The following MTNAP1 variants were observed in gnomAD, a reference collection of about 807,000 sequenced individuals.
MTNAP1 encodes the protein mitochondrial nucleoid-associated protein 1.
the MTNAP1 span, chr17:73,248,118 T>A: frequency 4.4e-6 from 1 of 224,930 alleles, no homozygotes; most frequent in African/African-American, 2.3e-5. Flanking sequence ...AATACTGATG[T>A]AAAGTTGCCT....
At chr17:73,247,476 A>T in the MTNAP1 span, 5 of 783,784 alleles carry the variant, frequency 6.4e-6, no homozygotes, top group African/African-American at 6.9e-5. Context: ...CCTCAAGGTT[A>T]TCAGGAGCAT....
the MTNAP1 span, among the ~76,000 whole-genome samples, chr17:73,246,413 G>A: frequency 2.0e-5 from 3 of 152,212 alleles, no homozygotes; most frequent in Non-Finnish European, 4.4e-5. Context: ...GCACACGCCT[G>A]TAGTCCCAGC....
At chr17:73,235,210 ACT>A in the MTNAP1 span, among the ~76,000 whole-genome samples, 2 of 151,492 alleles carry the variant, frequency 1.3e-5, no homozygotes, top group Admixed American at 1.3e-4. Context: ...ACAGAGTGAG[ACT>A]CTGTTTCCAA....
chr17:73,235,083 G>A, the MTNAP1 span, among the ~76,000 whole-genome samples: 5 of 151,168 alleles, frequency 3.3e-5, no homozygotes, highest in African/African-American at 1.2e-4. Flanking sequence ...TTAGTCAGGC[G>A]TGGTGGCATG....
At chr17:73,242,949 AT>A in the MTNAP1 span, 6 of 1,613,872 alleles carry the variant, frequency 3.7e-6, no homozygotes, top group African/African-American at 6.7e-5. Flanking sequence ...TGGCATCACG[AT>A]GCTCTTCACA....
At chr17:73,248,548 A>G in the MTNAP1 span, 1 of 1,551,614 alleles carries the variant, frequency 6.4e-7, no homozygotes, top group Non-Finnish European at 8.7e-7. Flanking sequence ...TGCAAGGTGC[A>G]TACAAATGCA....
chr17:73,241,560 A>G, the MTNAP1 span, among the ~76,000 whole-genome samples: 1 of 152,246 alleles, frequency 6.6e-6, no homozygotes, highest in Non-Finnish European at 1.5e-5. Context: ...TAGAACAGGC[A>G]TGTTGACTGT....
the MTNAP1 span, among the ~76,000 whole-genome samples, chr17:73,233,801 AG>A: frequency 3.8e-3 from 583 of 152,018 alleles, 5 homozygotes; most frequent in Non-Finnish European, 4.5e-3. Context: ...TGAACCTGGG[AG>A]GCTGAGGTTG....
At chr17:73,245,687 T>TG in the MTNAP1 span, 3 of 985,400 alleles carry the variant, frequency 3.0e-6, no homozygotes, top group Non-Finnish European at 3.6e-6. Context: ...TGATAAGGTG[T>TG]GAGAAACACA....
the MTNAP1 span, among the ~76,000 whole-genome samples, chr17:73,233,813 C>T: frequency 6.6e-6 from 1 of 151,910 alleles, no homozygotes; most frequent in South Asian, 2.1e-4. Context: ...GCTGAGGTTG[C>T]TGTGAGCCGA....
chr17:73,246,552 C>A, the MTNAP1 span, among the ~76,000 whole-genome samples: 1 of 152,070 alleles, frequency 6.6e-6, no homozygotes, highest in South Asian at 2.1e-4. Context: ...TCCCAAAAAA[C>A]CTACAGGAAA....
the MTNAP1 span, among the ~76,000 whole-genome samples, chr17:73,242,588 A>G: frequency 2.0e-5 from 3 of 152,112 alleles, no homozygotes; most frequent in Non-Finnish European, 2.9e-5. Flanking sequence ...CCTACCCCCA[A>G]CTTTCCCTTG....
chr17:73,244,156 T>C, the MTNAP1 span, among the ~76,000 whole-genome samples: 1 of 152,238 alleles, frequency 6.6e-6, no homozygotes, highest in Admixed American at 6.5e-5. Context: ...TGTTTGTTCA[T>C]TTCTTATTGT....
the MTNAP1 span, chr17:73,242,407 G>A: frequency 1.6e-6 from 2 of 1,233,572 alleles, no homozygotes; most frequent in Non-Finnish European, 2.3e-6. Context: ...ATTTGGAAAA[G>A]TTTCTCTTCG....
chr17:73,241,145 A>C, the MTNAP1 span, among the ~76,000 whole-genome samples: 2 of 152,174 alleles, frequency 1.3e-5, no homozygotes, highest in Non-Finnish European at 2.9e-5. Context: ...AAATGTGATT[A>C]AGGAGCATAA....
chr17:73,236,741 A>G, the MTNAP1 span: 1 of 1,614,138 alleles, frequency 6.2e-7, no homozygotes, highest in South Asian at 1.1e-5. Flanking sequence ...TCTGATAGTC[A>G]GTTCCAAGCA....
chr17:73,235,441 T>C, the MTNAP1 span: 1 of 1,517,054 alleles, frequency 6.6e-7, no homozygotes, highest in Non-Finnish European at 9.0e-7. Flanking sequence ...GTACAAACTA[T>C]GTGCTTCTCA....
the MTNAP1 span, chr17:73,248,555 T>C: frequency 7.2e-5 from 111 of 1,551,400 alleles, no homozygotes; most frequent in Non-Finnish European, 7.8e-5. Flanking sequence ...TGCATACAAA[T>C]GCAGCGTGAG....
the MTNAP1 span, among the ~76,000 whole-genome samples, chr17:73,239,142 G>C: frequency 2.0e-5 from 3 of 151,960 alleles, no homozygotes; most frequent in South Asian, 4.2e-4. Flanking sequence ...CTCCGTGTTG[G>C]TCAGGCTGGT....
Sources: allele counts gnomAD v4.1 joint callset (sites outside exome capture counted in the v4.1 genomes callset), GRCh38; gene constraint gnomAD v4.1.1; transcripts MANE v1.5; gene names NCBI Gene and HGNC (gene_info 2026-07-23, HGNC 2026-07-21).